The following PLPP3 variants were observed in gnomAD, a reference collection of about 807,000 sequenced individuals.
The protein encoded by PLPP3 is PAP2 beta.
Under a neutral mutation model 29.6 loss-of-function variants are expected in PLPP3, and 6 were observed. The ratio of observed to expected loss-of-function variants is 0.20; its 90% CI spans 0.11 to 0.40. The LOEUF (loss-of-function observed/expected upper bound fraction) is 0.40, where lower values mean the gene tolerates loss of function less well. PLPP3 is among the 10% of genes least tolerant of loss of function. PLPP3 has a pLI of 1.00. For missense variants in PLPP3, 308 were observed against 407.7 expected (o/e 0.76, Z 2.11); for synonymous variants, 152 against 159.7 (o/e 0.95, Z 0.36).
At position 56,495,763 on chromosome 1, in the gene PLPP3, A is replaced by C; in HGVS notation, c.*788T>G. On this transcript the variant is annotated 3_prime_UTR_variant, in exon 6 of 6. Transcript: ENST00000371250. ...AGTAACCGAAGTCGAACTGTTTCTAAGAGTATGCAAGTGCCCGGTGATTGA... is the reference window on the plus strand; with the variant it reads ...AGTAACCGAAGTCGAACTGTTTCTACGAGTATGCAAGTGCCCGGTGATTGA... The C allele has an allele frequency of 6.6e-6, 1 of 152,654 alleles. No individual in the cohort carries two copies. The highest frequency in any genetic ancestry group is 1.9e-4 in the East Asian group (1 of 5,190). 9.5% of individuals were successfully genotyped at this position (152,654 alleles called of 1,614,324 possible). A position where few individuals can be genotyped will look rare whatever the true frequency, so the allele number is the denominator to read the frequency against.
chr1:56,532,518 TG>T (rs1044285234), intron 2 of PLPP3, among the ~76,000 whole-genome samples: 3 of 152,090 alleles, frequency 2.0e-5, no homozygotes, highest in Admixed American at 2.0e-4. Context: ...GTGGGCAAAG[TG>T]AAGCATGATA....
rs1646082519 is a variant in PLPP3 at position 56,557,000 on chromosome 1, A to AGGAAAGAAAGAAAAGAAAGAAAG, written c.140-19889_140-19888insCTTTCTTTCTTTTCTTTCTTTCC. ...AAAGAAAGAAAGAAAGAAAGAAAGA[A>AGGAAAGAAAGAAAAGAAAGAAAG]AGAAAGAAAGAGAGAGAGAGAGAGA... On this transcript the variant is annotated intron_variant, in intron 1 of 5. Transcript: ENST00000371250. Among the ~76,000 whole-genome samples, 4 of 10,724 alleles carry AGGAAAGAAAGAAAAGAAAGAAAG rather than the reference A, an allele frequency of 3.7e-4. 1 individual carries two copies. In the East Asian group the frequency reaches 6.1e-3, roughly 16 times the overall value. The allele number at this position is 10,724 out of a possible 152,430, so 7.0% of individuals were successfully genotyped here. A position where few individuals can be genotyped will look rare whatever the true frequency, so the allele number is the denominator to read the frequency against.
At chr1:56,573,790 C>A (rs1646216435) in intron 1 of PLPP3, among the ~76,000 whole-genome samples, 1 of 152,176 alleles carries the variant, frequency 6.6e-6, no homozygotes, top group Non-Finnish European at 1.5e-5. Context: ...AGGGAAGAAG[C>A]CCTTGACTAT....
chr1:56,496,084 A>G lies in PLPP3; in HGVS notation c.*467T>C, dbSNP rs4628. Reference sequence around the variant, plus strand: ...AACACAAAACAAAACTTCCTGAACTAAAGTCACAGTACAGAATAGAATGGG... The same window carrying G: ...AACACAAAACAAAACTTCCTGAACTGAAGTCACAGTACAGAATAGAATGGG... On this transcript the variant is annotated 3_prime_UTR_variant, in exon 6 of 6. Transcript: ENST00000371250. 0.47 allele frequency: 72,428 copies of G among 153,458 alleles called. 17,304 individuals carry two copies. The highest frequency in any genetic ancestry group is 0.54 in the Middle Eastern group (159 of 294). 9.5% of individuals were successfully genotyped at this position (153,458 alleles called of 1,614,324 possible). A position where few individuals can be genotyped will look rare whatever the true frequency, so the allele number is the denominator to read the frequency against.
At chr1:56,544,404 G>A (rs998629558) in intron 1 of PLPP3, among the ~76,000 whole-genome samples, 2 of 152,116 alleles carry the variant, frequency 1.3e-5, no homozygotes, top group Non-Finnish European at 2.9e-5. Context: ...GAGCCAACAG[G>A]ACTCATAATC....
chr1:56,523,309 G>C (rs1645831571), intron 4 of PLPP3, among the ~76,000 whole-genome samples: 1 of 152,150 alleles, frequency 6.6e-6, no homozygotes. Context: ...CAGAAGGCTT[G>C]GGCTTGAGCA....
chr1:56,570,380 T>C (rs963274654), intron 1 of PLPP3, among the ~76,000 whole-genome samples: 1 of 152,240 alleles, frequency 6.6e-6, no homozygotes, highest in Non-Finnish European at 1.5e-5. Flanking sequence ...TCTTTAGGCA[T>C]ATAATTTTGT....
intron 1 of PLPP3, among the ~76,000 whole-genome samples, chr1:56,569,247 A>T (rs991290339): frequency 6.6e-5 from 10 of 152,000 alleles, no homozygotes; most frequent in African/African-American, 2.4e-4. Flanking sequence ...CTCTCAGCTC[A>T]CTGCAACCTC....
intron 1 of PLPP3, among the ~76,000 whole-genome samples, chr1:56,564,410 A>G (rs1646148599): frequency 6.7e-6 from 1 of 149,514 alleles, no homozygotes; most frequent in African/African-American, 2.5e-5. Flanking sequence ...GAGATCTACA[A>G]TGAGAAAAAT....
At chr1:56,573,202 G>C (rs1646212282) in intron 1 of PLPP3, among the ~76,000 whole-genome samples, 2 of 152,092 alleles carry the variant, frequency 1.3e-5, no homozygotes, top group African/African-American at 4.8e-5. Flanking sequence ...CAATTACATA[G>C]AGTTCGGTTT....
At chr1:56,518,715 T>TTACATATATATATATATATATATATA (rs1553136508) in intron 4 of PLPP3, among the ~76,000 whole-genome samples, 53 of 126,686 alleles carry the variant, frequency 4.2e-4, no homozygotes, top group African/African-American at 1.4e-3. Context: ...TTTTAATCAT[T>TTACATATATATATATATATATATATA]TATATATATA....
At chr1:56,551,256 TC>T (rs1646036124) in intron 1 of PLPP3, among the ~76,000 whole-genome samples, 1 of 100,220 alleles carries the variant, frequency 1.0e-5, no homozygotes, top group South Asian at 3.8e-4. Flanking sequence ...ACCAGAGAAA[TC>T]AAAAATGGCT....
intron 1 of PLPP3, among the ~76,000 whole-genome samples, chr1:56,552,767 C>A (rs1235575451): frequency 2.6e-5 from 4 of 152,254 alleles, no homozygotes; most frequent in African/African-American, 4.8e-5. Context: ...ACATTAGCAG[C>A]CTATCTTAGA....
chr1:56,562,201 A>G (rs565903718), intron 1 of PLPP3, among the ~76,000 whole-genome samples: 2 of 152,102 alleles, frequency 1.3e-5, no homozygotes, highest in Non-Finnish European at 2.9e-5. Context: ...GGGGATGAGA[A>G]GCAAGAAATT....
intron 4 of PLPP3, 105 bp from the exon 5 acceptor site, chr1:56,512,257 G>A (rs1645746294): frequency 9.0e-7 from 1 of 1,116,618 alleles, no homozygotes; most frequent in South Asian, 1.8e-5. Flanking sequence ...GGGATCATCT[G>A]GACCTTGGGT....
intron 4 of PLPP3, among the ~76,000 whole-genome samples, chr1:56,521,188 T>C (rs545592735): frequency 1.5e-5 from 2 of 135,680 alleles, no homozygotes; most frequent in Non-Finnish European, 3.0e-5. Context: ...TGAGCCAAGA[T>C]GGTGCCACTG....
intron 1 of PLPP3, among the ~76,000 whole-genome samples, chr1:56,559,073 G>A (rs2100294678): frequency 6.6e-6 from 1 of 152,340 alleles, no homozygotes; most frequent in African/African-American, 2.4e-5. Flanking sequence ...GCCAGAGCTG[G>A]AATGGCTTGA....
intron 2 of PLPP3, among the ~76,000 whole-genome samples, chr1:56,532,025 A>C (rs1458266708): frequency 1.3e-5 from 2 of 152,158 alleles, no homozygotes; most frequent in Admixed American, 1.3e-4. Flanking sequence ...TACGTTTTTC[A>C]AATAGTCATG....
intron 5 of PLPP3, among the ~76,000 whole-genome samples, chr1:56,506,411 C>G (rs984302748): frequency 6.6e-6 from 1 of 152,144 alleles, no homozygotes; most frequent in Non-Finnish European, 1.5e-5. Context: ...AGACAAAGAA[C>G]GCCCTCGCCC....
Sources: gnomAD v4.1 joint callset for allele counts (sites outside exome capture counted in the v4.1 genomes callset) on GRCh38, gnomAD v4.1.1 for gene constraint, MANE v1.5 for transcripts, NCBI Gene and HGNC (gene_info 2026-07-23, HGNC 2026-07-21) for gene names.